ATRNL1: variants seen among roughly 807,000 people sequenced by gnomAD.
The protein encoded by ATRNL1 is attractin-like protein 1.
A neutral mutation model predicts 182.7 loss-of-function variants in ATRNL1; 95 were observed. The ratio of observed to expected loss-of-function variants is 0.52; its 90% CI spans 0.44 to 0.62. ATRNL1 has a LOEUF of 0.62. Ranked by LOEUF, ATRNL1 falls within the 20% of genes least tolerant of loss-of-function variation. ATRNL1 has a pLI of 0.00. For missense variants in ATRNL1, 1,471 were observed against 1,679.5 expected (o/e 0.88, Z 2.17); for synonymous variants, 576 against 568.3 (o/e 1.01, Z -0.19).
At chr10:115,549,801 T>C (rs1852860360) in intron 26 of ATRNL1, among the ~76,000 whole-genome samples, 2 of 152,012 alleles carry the variant, frequency 1.3e-5, no homozygotes, top group South Asian at 2.1e-4. Flanking sequence ...AATTATTATG[T>C]TTAAAAAATT....
rs183324069 is a variant in ATRNL1 at position 115,680,107 on chromosome 10, G to C, written c.3796-47141G>C. 5.6e-4 allele frequency among the ~76,000 whole-genome samples: 85 copies of C among 152,222 alleles called. 1 individual carries two copies. Among genetic ancestry groups the C allele is most frequent in the African/African-American group, 2.0e-3 (84 of 41,554 alleles). Reference sequence around the variant, plus strand: ...CTGCCTGCTAAGTCAATGCCACAGAGTTTAGGTTTTTGTAACAGCAGCGCT... The same window carrying C: ...CTGCCTGCTAAGTCAATGCCACAGACTTTAGGTTTTTGTAACAGCAGCGCT... On this transcript the variant is annotated intron_variant, in intron 26 of 28. Coordinates refer to ENST00000355044, the MANE Select transcript of ATRNL1 (RefSeq NM_207303.4).
At chr10:115,235,084 C>G (rs929212460) in intron 9 of ATRNL1, among the ~76,000 whole-genome samples, 3 of 152,060 alleles carry the variant, frequency 2.0e-5, no homozygotes, top group African/African-American at 7.2e-5. Context: ...TAGTCATGAT[C>G]TTTCATTTGA....
At chr10:115,571,123 C>A (rs987312125) in intron 26 of ATRNL1, among the ~76,000 whole-genome samples, 5 of 152,162 alleles carry the variant, frequency 3.3e-5, no homozygotes, top group African/African-American at 1.2e-4. Context: ...ATCCATATAG[C>A]CGCTGGCTTT....
chr10:115,863,692 C>G (rs1238149699), intron 28 of ATRNL1, among the ~76,000 whole-genome samples: 1 of 152,142 alleles, frequency 6.6e-6, no homozygotes, highest in African/African-American at 2.4e-5. Context: ...ATGCTGCCTG[C>G]TGAGAGGTCC....
At chr10:115,257,874 T>C (rs1389294268) in intron 10 of ATRNL1, among the ~76,000 whole-genome samples, 1 of 152,224 alleles carries the variant, frequency 6.6e-6, no homozygotes, top group Admixed American at 6.5e-5. Context: ...TGAAGGTTAG[T>C]TTGGCTGGAT....
At chr10:115,484,569 A>G (rs868922655) in intron 24 of ATRNL1, among the ~76,000 whole-genome samples, 4 of 151,640 alleles carry the variant, frequency 2.6e-5, no homozygotes, top group East Asian at 1.9e-4. Flanking sequence ...TATTTTCCCA[A>G]TGAGTGCTTC....
At chr10:115,535,401 G>A (rs533962402) in intron 25 of ATRNL1, among the ~76,000 whole-genome samples, 172 of 150,312 alleles carry the variant, frequency 1.1e-3, no homozygotes, top group African/African-American at 3.5e-3. Context: ...TGATCGCATC[G>A]GCTCCTGAGG....
intron 5 of ATRNL1, among the ~76,000 whole-genome samples, chr10:115,131,104 A>G (rs1353610578): frequency 6.6e-6 from 1 of 152,066 alleles, no homozygotes; most frequent in Non-Finnish European, 1.5e-5. Flanking sequence ...CCCAAATCAT[A>G]AGAATTCCTG....
At chr10:115,409,515 C>T (rs993606962) in intron 20 of ATRNL1, among the ~76,000 whole-genome samples, 25 of 152,154 alleles carry the variant, frequency 1.6e-4, no homozygotes, top group African/African-American at 7.2e-5. Flanking sequence ...GATCTGCAAA[C>T]AGGACAATTT....
chr10:115,311,316 A>G (rs1057500321), intron 17 of ATRNL1, among the ~76,000 whole-genome samples: 1 of 151,666 alleles, frequency 6.6e-6, no homozygotes, highest in Non-Finnish European at 1.5e-5. Context: ...CAGCCTCCCA[A>G]GTAGCTGGGA....
At chr10:115,701,955 G>A (rs1019848294) in intron 26 of ATRNL1, among the ~76,000 whole-genome samples, 4 of 151,944 alleles carry the variant, frequency 2.6e-5, no homozygotes, top group African/African-American at 9.6e-5. Context: ...TATGAAGCCA[G>A]CATCACCCTG....
At chr10:115,643,141 C>G (rs1028684014) in intron 26 of ATRNL1, among the ~76,000 whole-genome samples, 3 of 152,062 alleles carry the variant, frequency 2.0e-5, no homozygotes, top group Non-Finnish European at 4.4e-5. Context: ...AAGAGTAGAT[C>G]CATATATCAA....
chr10:115,614,741 C>T (rs1857346494), intron 26 of ATRNL1, among the ~76,000 whole-genome samples: 1 of 151,896 alleles, frequency 6.6e-6, no homozygotes, highest in Non-Finnish European at 1.5e-5. Context: ...ATTGTATTTT[C>T]TTGCCAAACT....
At chr10:115,879,542 A>G (rs1483495032) in intron 28 of ATRNL1, among the ~76,000 whole-genome samples, 6 of 152,102 alleles carry the variant, frequency 3.9e-5, no homozygotes, top group Admixed American at 1.3e-4. Context: ...GAGTCTGTAT[A>G]ACGGGGTAAA....
intron 19 of ATRNL1, among the ~76,000 whole-genome samples, chr10:115,372,389 A>AT (rs1243252238): frequency 4.1e-5 from 6 of 146,952 alleles, no homozygotes; most frequent in South Asian, 2.1e-4. Context: ...ATTTGTCTAT[A>AT]TTTTTTTTGT....
intron 25 of ATRNL1, among the ~76,000 whole-genome samples, chr10:115,541,753 T>C (rs191420815): frequency 6.6e-6 from 1 of 152,334 alleles, no homozygotes; most frequent in Admixed American, 6.5e-5. Flanking sequence ...TATAGTGTTA[T>C]ATTTGTAAAA....
intron 27 of ATRNL1, among the ~76,000 whole-genome samples, chr10:115,792,905 CT>C (rs1190839368): frequency 6.6e-6 from 1 of 151,866 alleles, no homozygotes; most frequent in African/African-American, 2.4e-5. Flanking sequence ...ATCATTCTTT[CT>C]AGAGGGTACC....
intron 17 of ATRNL1, among the ~76,000 whole-genome samples, chr10:115,302,556 A>G (rs1421439590): frequency 1.3e-5 from 2 of 152,316 alleles, no homozygotes; most frequent in East Asian, 3.9e-4. Flanking sequence ...ATCTGCTACA[A>G]GTATAGAATG....
At chr10:115,286,685 C>G (rs1554919085) in intron 15 of ATRNL1, among the ~76,000 whole-genome samples, 1 of 151,882 alleles carries the variant, frequency 6.6e-6, no homozygotes, top group African/African-American at 2.4e-5. Flanking sequence ...TATAACTGCA[C>G]TTGGTATAGT....
Sources: allele counts gnomAD v4.1 joint callset (sites outside exome capture counted in the v4.1 genomes callset), GRCh38; gene constraint gnomAD v4.1.1; transcripts MANE v1.5; gene names NCBI Gene and HGNC (gene_info 2026-07-23, HGNC 2026-07-21).